The following LRRC7 variants were observed in gnomAD, a reference collection of about 807,000 sequenced individuals.
LRRC7 encodes leucine-rich repeat-containing protein 7.
A neutral mutation model predicts 175.7 loss-of-function variants in LRRC7; 23 were observed. The observed-to-expected ratio is 0.13, with a 90% CI of 0.09 to 0.19. The LOEUF is 0.19. Ranked by LOEUF, LRRC7 falls within the 10% of genes least tolerant of loss-of-function variation. The pLI, the probability that LRRC7 is intolerant of heterozygous loss-of-function variation, is 1.00. For synonymous variants in LRRC7, 685 were observed against 680.9 expected (o/e 1.01, Z -0.09); for missense variants, 1,354 against 1,904.7 (o/e 0.71, Z 5.38).
chr1:69,909,409 C>T (rs532523234), intron 7 of LRRC7, among the ~76,000 whole-genome samples: 16 of 152,148 alleles, frequency 1.1e-4, no homozygotes, highest in South Asian at 4.2e-4. Flanking sequence ...TGGCTGGTAC[C>T]GGTTGTTCCT....
At chr1:69,726,477 G>C (rs2100800405) in intron 2 of LRRC7, among the ~76,000 whole-genome samples, 1 of 152,274 alleles carries the variant, frequency 6.6e-6, no homozygotes, top group South Asian at 2.1e-4. Flanking sequence ...GTAAAGGATG[G>C]ATTGAGGGAG....
chr1:69,962,136 C>A (rs1483250848), intron 8 of LRRC7, among the ~76,000 whole-genome samples: 1 of 150,886 alleles, frequency 6.6e-6, no homozygotes, highest in Non-Finnish European at 1.5e-5. Flanking sequence ...TTAAAATTTA[C>A]CAAGAAAAAA....
chr1:69,624,726 T>C (rs1258587323), intron 1 of LRRC7, among the ~76,000 whole-genome samples: 1 of 152,134 alleles, frequency 6.6e-6, no homozygotes, highest in Non-Finnish European at 1.5e-5. Flanking sequence ...CCAATATGAC[T>C]ATCCAATTCA....
At chr1:69,616,906 G>A (rs979289064) in intron 1 of LRRC7, among the ~76,000 whole-genome samples, 4 of 152,032 alleles carry the variant, frequency 2.6e-5, no homozygotes, top group African/African-American at 9.7e-5. Context: ...TATACTACTG[G>A]AAAGTGAGAG....
intron 7 of LRRC7, among the ~76,000 whole-genome samples, chr1:69,888,191 G>A (rs1328620714): frequency 1.3e-5 from 2 of 151,942 alleles, no homozygotes; most frequent in Admixed American, 6.5e-5. Context: ...GCAAGCCTGG[G>A]CAATGGCGGT....
intron 1 of LRRC7, among the ~76,000 whole-genome samples, chr1:69,671,146 GTC>G (rs1159465024): frequency 6.6e-6 from 1 of 152,154 alleles, no homozygotes; most frequent in Non-Finnish European, 1.5e-5. Context: ...GCAAGTCTGA[GTC>G]TCACCTGAGG....
chr1:69,695,239 T>C (rs1252103653), intron 2 of LRRC7, among the ~76,000 whole-genome samples: 1 of 152,206 alleles, frequency 6.6e-6, no homozygotes, highest in African/African-American at 2.4e-5. Context: ...TTGACTGCAT[T>C]GTGTCCATGC....
At chr1:69,662,756 A>C (rs892318091) in intron 1 of LRRC7, among the ~76,000 whole-genome samples, 1 of 152,234 alleles carries the variant, frequency 6.6e-6, no homozygotes, top group African/African-American at 2.4e-5. Context: ...GGATCTTTAT[A>C]AACACTTGAG....
intron 1 of LRRC7, chr1:69,608,100 G>A (rs1215214814): frequency 1.3e-5 from 2 of 152,706 alleles, no homozygotes; most frequent in Admixed American, 1.3e-4. Context: ...CCTCACTTTG[G>A]GTTTTTCATT....
At chr1:69,650,736 C>G (rs1263384222) in intron 1 of LRRC7, among the ~76,000 whole-genome samples, 2 of 150,636 alleles carry the variant, frequency 1.3e-5, no homozygotes, top group Non-Finnish European at 3.0e-5. Context: ...ATATGTTGTG[C>G]AATTTCTTAT....
At chr1:69,646,860 C>A (rs1263267564) in intron 1 of LRRC7, among the ~76,000 whole-genome samples, 3 of 152,092 alleles carry the variant, frequency 2.0e-5, no homozygotes, top group African/African-American at 7.2e-5. Context: ...TTAAGGATCT[C>A]TATTCTTAAG....
chr1:69,931,387 G>GT, intron 7 of LRRC7, 120 bp from the exon 8 acceptor site: 2 of 700,726 alleles, frequency 2.9e-6, no homozygotes. Flanking sequence ...TTGCTGAAGA[G>GT]TACCCCCAGT....
intron 1 of LRRC7, among the ~76,000 whole-genome samples, chr1:69,647,107 T>TA (rs1466491236): frequency 2.6e-5 from 4 of 152,182 alleles, no homozygotes; most frequent in African/African-American, 9.6e-5. Context: ...TTCCTGCTAT[T>TA]AATGCCAAAA....
chr1:69,569,345 A>G (rs1645636201), intron 1 of LRRC7, among the ~76,000 whole-genome samples: 1 of 151,924 alleles, frequency 6.6e-6, no homozygotes, highest in African/African-American at 2.4e-5. Context: ...CTGCCCACAC[A>G]TCTCCTTTGT....
chr1:69,780,333 T>C (rs6658504), intron 3 of LRRC7, among the ~76,000 whole-genome samples: 21,597 of 152,200 alleles, frequency 0.14, 2,258 homozygotes, highest in East Asian at 0.52. Context: ...ATTTATTACA[T>C]TGAATTTTAT....
chr1:70,067,495 C>T (rs1662065365), intron 23 of LRRC7, among the ~76,000 whole-genome samples: 1 of 152,094 alleles, frequency 6.6e-6, no homozygotes, highest in South Asian at 2.1e-4. Context: ...GTGTCTATCC[C>T]TCTGCAAATA....
At chr1:70,039,863 ACATGTAGTGAAGCATGAACTAC>A (rs1659710542) in intron 21 of LRRC7, 70 bp downstream of exon 21, 5 of 1,502,168 alleles carry the variant, frequency 3.3e-6, no homozygotes, top group Non-Finnish European at 4.5e-6. Flanking sequence ...ATTTCTAAGC[ACATGTAGTGAAGCATGAACTAC>A]ATGAATGAAT....
intron 1 of LRRC7, among the ~76,000 whole-genome samples, 158 bp downstream of exon 1, chr1:69,568,799 C>T (rs1209654445): frequency 2.0e-5 from 3 of 151,984 alleles, no homozygotes; most frequent in African/African-American, 7.2e-5. Flanking sequence ...GTGCGGTGGC[C>T]GAGGGAGGCG....
intron 1 of LRRC7, among the ~76,000 whole-genome samples, chr1:69,673,561 T>C (rs188000466): frequency 4.6e-5 from 7 of 152,216 alleles, no homozygotes; most frequent in East Asian, 1.9e-4. Flanking sequence ...CAAGATTTCA[T>C]TTTTGGTCAT....
Sources: allele counts gnomAD v4.1 joint callset (sites outside exome capture counted in the v4.1 genomes callset), GRCh38; gene constraint gnomAD v4.1.1; transcripts MANE v1.5; gene names NCBI Gene and HGNC (gene_info 2026-07-23, HGNC 2026-07-21).